The following ABI2 variants were observed in gnomAD, a reference collection of about 807,000 sequenced individuals.
ABI2 encodes the protein abl interactor 2.
In ABI2, 25 loss-of-function variants were observed where a neutral mutation model predicts 59.2. The ratio of observed to expected loss-of-function variants is 0.42; its 90% CI spans 0.31 to 0.59. The LOEUF (loss-of-function observed/expected upper bound fraction) is 0.59. Among genes scored for constraint, ABI2 ranks in the 20% least tolerant of loss-of-function variants. The probability of loss-of-function intolerance (pLI) is 0.14; values close to 1 mark genes in which losing one functional copy is unlikely to be tolerated. For missense variants in ABI2, 545 were observed against 681.8 expected (o/e 0.80, Z 2.23); for synonymous variants, 213 against 235.5 (o/e 0.90, Z 0.87).
At chr2:203,371,404 A>G (rs2095173812) in intron 2 of ABI2, among the ~76,000 whole-genome samples, 1 of 152,234 alleles carries the variant, frequency 6.6e-6, no homozygotes. Context: ...ATATTAATTG[A>G]TTAGGAATAT....
intron 1 of ABI2, among the ~76,000 whole-genome samples, chr2:203,344,569 T>TTTTG (rs1318523640): frequency 7.9e-3 from 1 of 126 alleles, no homozygotes; most frequent in East Asian, 0.25. Flanking sequence ...TTGTTTTTGT[T>TTTTG]TTTTTTTTTT....
intron 4 of ABI2, among the ~76,000 whole-genome samples, chr2:203,389,492 G>C (rs2096657901): frequency 6.6e-6 from 1 of 152,122 alleles, no homozygotes; most frequent in Non-Finnish European, 1.5e-5. Flanking sequence ...GCCAGGGTTG[G>C]TTTTGATAGC....
intron 11 of ABI2, among the ~76,000 whole-genome samples, chr2:203,418,507 A>T (rs2098019958): frequency 6.6e-6 from 1 of 152,228 alleles, no homozygotes; most frequent in Admixed American, 6.5e-5. Flanking sequence ...CGGCTTCTTC[A>T]TTGGCTGTTG....
At chr2:203,361,974 A>G (rs757576248) in intron 1 of ABI2, among the ~76,000 whole-genome samples, 1 of 152,232 alleles carries the variant, frequency 6.6e-6, no homozygotes, top group Non-Finnish European at 1.5e-5. Context: ...TTAGCTAAAA[A>G]TAATTTTTTG....
chr2:203,378,888 T>C (rs2095900661), intron 2 of ABI2, among the ~76,000 whole-genome samples: 1 of 152,176 alleles, frequency 6.6e-6, no homozygotes, highest in East Asian at 1.9e-4. Context: ...ACATAATTCA[T>C]GTATATATTT....
chr2:203,340,492 G>A (rs1302103310), intron 1 of ABI2, among the ~76,000 whole-genome samples: 1 of 151,732 alleles, frequency 6.6e-6, no homozygotes, highest in Non-Finnish European at 1.5e-5. Flanking sequence ...TTAGCCTTCC[G>A]AATAGCTGGG....
intron 9 of ABI2, among the ~76,000 whole-genome samples, chr2:203,408,097 T>C (rs749826979): frequency 2.0e-5 from 3 of 152,176 alleles, no homozygotes; most frequent in African/African-American, 7.2e-5. Flanking sequence ...TTGAAAAAAG[T>C]CTAACTTGTT....
At chr2:203,390,555 C>T (rs1361609848) in intron 4 of ABI2, among the ~76,000 whole-genome samples, 1 of 151,940 alleles carries the variant, frequency 6.6e-6, no homozygotes, top group Non-Finnish European at 1.5e-5. Flanking sequence ...TTGCTTGAAC[C>T]TGGGAGGCAG....
chr2:203,381,637 G>A (rs1052242297), intron 3 of ABI2, among the ~76,000 whole-genome samples: 2 of 152,182 alleles, frequency 1.3e-5, no homozygotes, highest in Admixed American at 6.5e-5. Context: ...AATAAGATGT[G>A]TAATTGGATG....
At chr2:203,366,851 G>A in intron 1 of ABI2, 26 bp from the exon 2 acceptor site, 5 of 1,513,306 alleles carry the variant, frequency 3.3e-6, no homozygotes, top group Non-Finnish European at 4.4e-6. Context: ...TTGAATTAAT[G>A]ATCACTGGTT....
At chr2:203,402,357 A>G (rs2097259528) in intron 8 of ABI2, among the ~76,000 whole-genome samples, 1 of 152,184 alleles carries the variant, frequency 6.6e-6, no homozygotes, top group South Asian at 2.1e-4. Context: ...CTATTTAGAC[A>G]TAACTTTCCA....
At chr2:203,358,045 G>A (rs2092609222) in intron 1 of ABI2, among the ~76,000 whole-genome samples, 1 of 150,250 alleles carries the variant, frequency 6.7e-6, no homozygotes, top group South Asian at 2.1e-4. Flanking sequence ...TGGGATTACA[G>A]CCATGAGCCA....
intron 1 of ABI2, among the ~76,000 whole-genome samples, chr2:203,338,516 T>C (rs965964463): frequency 6.6e-6 from 1 of 152,022 alleles, no homozygotes; most frequent in Non-Finnish European, 1.5e-5. Context: ...CCCCCCACCA[T>C]GTGACATGCT....
intron 1 of ABI2, among the ~76,000 whole-genome samples, chr2:203,358,773 G>A (rs1402123114): frequency 6.6e-6 from 1 of 152,210 alleles, no homozygotes; most frequent in Non-Finnish European, 1.5e-5. Context: ...ACTTTGGGAG[G>A]CTGAGGTGGG....
Position 203,427,414 on chromosome 2 carries a change from C to T in ABI2, c.*62C>T, listed in dbSNP as rs2153617760. 1 of 1,425,336 alleles carries T rather than the reference C, an allele frequency of 7.0e-7. No homozygotes were observed. The highest frequency in any genetic ancestry group is 9.6e-7 in the Non-Finnish European group (1 of 1,042,762). 88.3% of individuals were successfully genotyped at this position (1,425,336 alleles called of 1,614,324 possible). ...CAGGTCTTCCCAGATTATCTGAAGG[C>T]CCTGGGGATTCCACTCCAGTAAAGT... On this transcript the variant is annotated 3_prime_UTR_variant, in exon 12 of 12. Coordinates refer to ENST00000261018, the MANE Select transcript of ABI2 (RefSeq NM_001375670.1).
chr2:203,424,931 G>C (rs754475824), intron 11 of ABI2, among the ~76,000 whole-genome samples: 3 of 151,724 alleles, frequency 2.0e-5, no homozygotes, highest in Non-Finnish European at 2.9e-5. Context: ...GAGTGCAGTG[G>C]GAAAATCACG....
intron 1 of ABI2, among the ~76,000 whole-genome samples, chr2:203,343,451 T>G (rs1371953446): frequency 5.9e-5 from 9 of 152,120 alleles, no homozygotes; most frequent in Non-Finnish European, 1.0e-4. Context: ...TATTCCAGGT[T>G]TTTTTTTCCT....
chr2:203,373,730 T>C (rs1010286299), intron 2 of ABI2, among the ~76,000 whole-genome samples: 1 of 152,150 alleles, frequency 6.6e-6, no homozygotes, highest in Non-Finnish European at 1.5e-5. Flanking sequence ...GTTAAATTAG[T>C]TAGCAGGTAA....
chr2:203,335,152 G>A (rs2075873859), intron 1 of ABI2, among the ~76,000 whole-genome samples: 1 of 152,160 alleles, frequency 6.6e-6, no homozygotes, highest in Admixed American at 6.5e-5. Context: ...ATTAGCCGTA[G>A]GATGTTCTCC....
Sources: gnomAD v4.1 joint callset for allele counts (sites outside exome capture counted in the v4.1 genomes callset) on GRCh38, gnomAD v4.1.1 for gene constraint, MANE v1.5 for transcripts, NCBI Gene and HGNC (gene_info 2026-07-23, HGNC 2026-07-21) for gene names.